Variants in INTU observed in about 807,000 individuals in gnomAD.
The protein encoded by INTU is protein inturned.
In INTU, 68 loss-of-function variants were observed where a neutral mutation model predicts 100.5. The ratio of observed to expected loss-of-function variants is 0.68; its 90% confidence interval spans 0.56 to 0.83. The LOEUF (loss-of-function observed/expected upper bound fraction) is 0.83, where lower values mean the gene tolerates loss of function less well. Among genes scored for constraint, INTU ranks in the 40% least tolerant of loss-of-function variants. INTU has a pLI of 0.00. For missense variants in INTU, 1,071 were observed against 1,114.7 expected, an observed-to-expected ratio of 0.96 and a Z score of 0.56; for synonymous variants, 357 against 395.7, an observed-to-expected ratio of 0.90 and a Z score of 1.16.
chr4:127,700,774 A>T (rs1253780979), intron 9 of INTU, among the ~76,000 whole-genome samples: 2 of 143,434 alleles, frequency 1.4e-5, no homozygotes, highest in East Asian at 4.1e-4. Context: ...AATGATACTA[A>T]AAAAAAAAAA....
chr4:127,633,720 CTG>C (rs1359575827), intron 1 of INTU, among the ~76,000 whole-genome samples: 14 of 152,304 alleles, frequency 9.2e-5, no homozygotes, highest in Non-Finnish European at 1.9e-4. Flanking sequence ...GATATTTCTG[CTG>C]TATTTTCCTA....
chr4:127,681,198 A>G (rs1012768532), intron 6 of INTU, among the ~76,000 whole-genome samples: 5 of 152,244 alleles, frequency 3.3e-5, no homozygotes, highest in South Asian at 2.1e-4. Context: ...TATAGATTCA[A>G]TGCCATCCCC....
intron 6 of INTU, among the ~76,000 whole-genome samples, chr4:127,679,454 C>T (rs1285111568): frequency 6.6e-6 from 1 of 152,174 alleles, no homozygotes; most frequent in Non-Finnish European, 1.5e-5. Context: ...GAAACTCACT[C>T]AAAACCGCTC....
At chr4:127,686,562 T>C (rs1729836492) in intron 7 of INTU, 1 of 152,220 alleles carries the variant, frequency 6.6e-6, no homozygotes, top group African/African-American at 2.4e-5. Context: ...GCTTTTGTAC[T>C]TTTTCTTCTT....
chr4:127,713,038 G>A (rs747117748), intron 14 of INTU, among the ~76,000 whole-genome samples: 5 of 152,206 alleles, frequency 3.3e-5, no homozygotes, highest in Non-Finnish European at 7.3e-5. Context: ...AAAGGTAGCA[G>A]GGCCAGCTTA....
chr4:127,683,661 A>G (rs918959966), intron 6 of INTU: 2 of 152,210 alleles, frequency 1.3e-5, no homozygotes, highest in African/African-American at 4.8e-5. Context: ...GTGTTTTCAG[A>G]TGGGAAGATC....
At chr4:127,709,089 A>G (rs1375806547) in intron 13 of INTU, among the ~76,000 whole-genome samples, 4 of 151,818 alleles carry the variant, frequency 2.6e-5, no homozygotes, top group Non-Finnish European at 4.4e-5. Flanking sequence ...TAGCCTTGTC[A>G]CTCCCCTAGC....
At position 127,706,680 on chromosome 4, in the gene INTU, T is replaced by G; in HGVS notation, c.1982T>G (p.Leu661Arg). Residue 661 changes from leucine to arginine, a missense_variant, in exon 12 of 16, where the codon CTT (leucine) becomes CGT (arginine). Transcript: ENST00000335251. ...TGTTTGTCTTGTGCTGACTGGTTCC[T>G]TACTGGATCACGTGAAAAAACAGAT... ...VPCLSCADWF[L>R]TGSREKTDSL... 1 of 1,614,090 alleles carries G rather than the reference T, an allele frequency of 6.2e-7. No individual in the cohort carries two copies. The highest frequency in any genetic ancestry group is 1.7e-5 in the Admixed American group (1 of 59,994).
At chr4:127,701,321 G>A (rs1730639446) in intron 9 of INTU, among the ~76,000 whole-genome samples, 1 of 152,166 alleles carries the variant, frequency 6.6e-6, no homozygotes, top group Admixed American at 6.6e-5. Context: ...AGTTGAGAGA[G>A]ATCTCAGTTA....
At chr4:127,681,367 A>G (rs1234157898) in intron 6 of INTU, among the ~76,000 whole-genome samples, 6 of 152,252 alleles carry the variant, frequency 3.9e-5, no homozygotes, top group African/African-American at 1.4e-4. Flanking sequence ...ACAAGGCTAC[A>G]GTAACCACAA....
At chr4:127,709,334 C>T (rs1560620091) in intron 13 of INTU, among the ~76,000 whole-genome samples, 2 of 151,512 alleles carry the variant, frequency 1.3e-5, no homozygotes, top group South Asian at 4.1e-4. Context: ...AGTCACTACA[C>T]CCCTACAGCT....
At position 127,633,315 on chromosome 4, in the gene INTU, T is replaced by A. The variant is rs1038966101; in HGVS notation, c.146+135T>A. On this transcript the variant is annotated intron_variant, in intron 1 of 15. Coordinates refer to ENST00000335251, the MANE Select transcript of INTU (RefSeq NM_015693.4). ...GGTTCTATAATAAGTGGGATTTAAT[T>A]GCACCACGTTCCATTGTATGGTGGT... is the stretch of plus-strand genomic sequence containing the variant. 6.1e-6 allele frequency: 5 copies of A among 821,708 alleles called. No homozygotes were observed. The African/African-American group carries it at 8.6e-5, about 14-fold the overall frequency. The allele number at this position is 821,708 out of a possible 1,614,324, so 50.9% of individuals were successfully genotyped here.
At chr4:127,691,238 GTTTA>G (rs1290018860) in intron 8 of INTU, among the ~76,000 whole-genome samples, 41 of 152,182 alleles carry the variant, frequency 2.7e-4, no homozygotes, top group Middle Eastern at 6.8e-3. Context: ...GTATACCATA[GTTTA>G]TTTATCCATT....
chr4:127,663,000 T>C (rs1400134949), intron 3 of INTU, among the ~76,000 whole-genome samples: 1 of 152,228 alleles, frequency 6.6e-6, no homozygotes, highest in African/African-American at 2.4e-5. Flanking sequence ...GATAAGCCAG[T>C]GCTATCGGCA....
At chr4:127,674,713 T>A (rs1157200187) in intron 6 of INTU, among the ~76,000 whole-genome samples, 2 of 152,194 alleles carry the variant, frequency 1.3e-5, no homozygotes, top group African/African-American at 4.8e-5. Context: ...TATTTTGAAG[T>A]ATACATTATT....
At position 127,711,038 on chromosome 4, in the gene INTU, T is replaced by C; in HGVS notation, c.2495T>C (p.Ile832Thr). 1 of 1,609,802 alleles carries C rather than the reference T, an allele frequency of 6.2e-7. No homozygotes were observed. Among genetic ancestry groups the C allele is most frequent in the South Asian group, 1.1e-5 (1 of 90,296 alleles). ...QLSGSIHPQLIKNFHQCCLSI... is the reference protein window; with the variant it reads ...QLSGSIHPQLTKNFHQCCLSI... ...AGTGGCTCTATCCACCCTCAGCTAA[T>C]AAAGAATTTCCATCAGTGTTGTCTT... Residue 832 changes from isoleucine to threonine, a missense_variant, in exon 14 of 16, where the codon ATA (isoleucine) becomes ACA (threonine). Transcript: ENST00000335251.
At position 127,687,682 on chromosome 4, in the gene INTU, T is replaced by C; in HGVS notation, c.1264T>C (p.Phe422Leu). The change falls in exon 8 of 16, where the codon TTT becomes CTT. Residue 422 changes from phenylalanine to leucine, a missense_variant. Phe to Leu is a conservative substitution (Grantham distance 22). Transcript: ENST00000335251. ...TTACAGCTCTTATTTCTCCAGTGCC[T>C]TTTGCCAGATTGAGAATGTTCCTCG... The part of the protein sequence containing the change: ...KFMYGSLDSA[F>L]CQIENVPRLD... The C allele has an allele frequency of 6.2e-7, 1 of 1,605,726 alleles. No homozygotes were observed. Among genetic ancestry groups the C allele is most frequent in the South Asian group, 1.1e-5 (1 of 90,326 alleles).
rs1216864989 is a variant in INTU at position 127,725,103 on chromosome 4, T to C, written c.*8667T>C. ...GCGTTTGAGACCAGGCTGGTCAACA[T>C]GGTGAAACCCTGTCTCTACTAAAAA... On this transcript the variant is annotated 3_prime_UTR_variant, in exon 16 of 16. Transcript: ENST00000335251. The C allele has an allele frequency of 7.4e-6, 1 of 136,004 alleles. No individual in the cohort carries two copies. Among genetic ancestry groups the C allele is most frequent in the Non-Finnish European group, 1.5e-5 (1 of 65,174 alleles). The allele number at this position is 136,004 out of a possible 1,614,324, so 8.4% of individuals were successfully genotyped here. A position where few individuals can be genotyped will look rare whatever the true frequency, so the allele number is the denominator to read the frequency against.
At position 127,719,593 on chromosome 4, in the gene INTU, C is replaced by T. The variant is rs1731315430; in HGVS notation, c.*3157C>T. 1.3e-5 allele frequency: 2 copies of T among 152,168 alleles called. No homozygotes were observed. The highest frequency in any genetic ancestry group is 4.8e-5 in the African/African-American group (2 of 41,448). 9.4% of individuals were successfully genotyped at this position (152,168 alleles called of 1,614,324 possible). ...TTTTTGTATTTCTGGCAGAATTCAG[C>T]TGTAGATCCATCTGGTCCTGGGCTT... On this transcript the variant is annotated 3_prime_UTR_variant, in exon 16 of 16. Coordinates refer to ENST00000335251, the MANE Select transcript of INTU (RefSeq NM_015693.4).
Sources: allele counts gnomAD v4.1 joint callset (sites outside exome capture counted in the v4.1 genomes callset), GRCh38; gene constraint gnomAD v4.1.1; transcripts MANE v1.5; gene names NCBI Gene and HGNC (gene_info 2026-07-23, HGNC 2026-07-21).